The following TMEM74 variants were observed in gnomAD, a reference collection of about 807,000 sequenced individuals.
TMEM74 encodes the protein transmembrane protein 74.
TMEM74 carries 13 observed loss-of-function variants against 18.1 expected under a neutral mutation model. That is an observed-to-expected ratio of 0.72 (90% CI 0.47 to 1.14). The LOEUF (loss-of-function observed/expected upper bound fraction) is 1.14. TMEM74 is among the 50% of genes most tolerant of loss of function. TMEM74 has a pLI of 0.00. For synonymous variants in TMEM74, 159 were observed against 146.6 expected (o/e 1.08, Z -0.61); for missense variants, 372 against 375.9 (o/e 0.99, Z 0.09).
intron 1 of TMEM74, among the ~76,000 whole-genome samples, chr8:108,744,109 T>C (rs751737763): frequency 5.3e-5 from 8 of 152,180 alleles, no homozygotes; most frequent in Non-Finnish European, 1.2e-4. Context: ...ACTGTTATCC[T>C]ATATTCAGGG....
intron 1 of TMEM74, among the ~76,000 whole-genome samples, chr8:108,734,493 A>G (rs1034226405): frequency 2.6e-5 from 4 of 152,078 alleles, no homozygotes; most frequent in Admixed American, 6.5e-5. Context: ...CATTCATGTC[A>G]TTCTTTGACA....
At chr8:108,660,150 C>A (rs1347034121) in intron 1 of TMEM74, among the ~76,000 whole-genome samples, 1 of 152,150 alleles carries the variant, frequency 6.6e-6, no homozygotes, top group East Asian at 1.9e-4. Flanking sequence ...TACTTGTTTT[C>A]CAAAGCAGAA....
At chr8:108,638,602 T>C (rs1812630484) in intron 2 of TMEM74, among the ~76,000 whole-genome samples, 1 of 151,908 alleles carries the variant, frequency 6.6e-6, no homozygotes, top group African/African-American at 2.4e-5. Flanking sequence ...ATAAGTAGTC[T>C]TGAATTCAGA....
intron 1 of TMEM74, among the ~76,000 whole-genome samples, chr8:108,711,676 C>G (rs1813476827): frequency 6.6e-6 from 1 of 152,188 alleles, no homozygotes; most frequent in Admixed American, 6.5e-5. Flanking sequence ...GAGTCAAAAC[C>G]TCTAGGCATG....
intron 2 of TMEM74, among the ~76,000 whole-genome samples, chr8:108,619,598 C>T (rs1812419724): frequency 6.6e-6 from 1 of 152,194 alleles, no homozygotes; most frequent in African/African-American, 2.4e-5. Flanking sequence ...ACAAATAGTA[C>T]ATTTTTCATC....
intron 1 of TMEM74, among the ~76,000 whole-genome samples, chr8:108,753,793 A>G (rs1192128475): frequency 2.0e-5 from 3 of 151,950 alleles, no homozygotes; most frequent in Non-Finnish European, 4.4e-5. Flanking sequence ...GGAATTTTTT[A>G]TGTGTTTCAT....
At chr8:108,642,391 C>CA (rs34602005) in intron 2 of TMEM74, among the ~76,000 whole-genome samples, 2,714 of 63,092 alleles carry the variant, frequency 0.043, 54 homozygotes, top group African/African-American at 0.053. Context: ...GACTCCATCT[C>CA]AAAAAAAAAA....
chr8:108,615,281 G>A (rs1226689010), intron 2 of TMEM74, among the ~76,000 whole-genome samples: 1 of 152,186 alleles, frequency 6.6e-6, no homozygotes, highest in Non-Finnish European at 1.5e-5. Flanking sequence ...TCTCCTGGTA[G>A]CAAAGCCTTC....
intron 2 of TMEM74, among the ~76,000 whole-genome samples, chr8:108,631,692 C>T (rs940944689): frequency 2.6e-5 from 4 of 151,984 alleles, no homozygotes; most frequent in Admixed American, 1.3e-4. Context: ...TGAATAGTTT[C>T]TTTTGCTGTA....
At chr8:108,745,094 A>G (rs1813836516) in intron 1 of TMEM74, among the ~76,000 whole-genome samples, 2 of 152,206 alleles carry the variant, frequency 1.3e-5, no homozygotes, top group African/African-American at 4.8e-5. Flanking sequence ...ATCTGCATTT[A>G]GTTTTCTAGG....
intron 1 of TMEM74, among the ~76,000 whole-genome samples, chr8:108,682,896 T>C (rs1217110202): frequency 6.6e-6 from 1 of 151,874 alleles, no homozygotes; most frequent in Admixed American, 6.6e-5. Context: ...CTATAGCAGA[T>C]TTAATCAATA....
chr8:108,784,930 C>T lies in TMEM74; in HGVS notation c.169G>A (p.Gly57Arg), dbSNP rs752702103. ...ASTPRATEME[G>R]SKLSSSPASP... ...GCTGGAGAAGAACTAAGTTTAGACC[C>T]TTCCATCTCGGTTGCTCTTGGGGTG... Residue 57 changes from glycine (G) to arginine (R), a missense_variant, in exon 2 of 2, where the codon GGG (glycine) becomes AGG (arginine). Gly to Arg is a moderately radical substitution (Grantham distance 125). Coordinates refer to ENST00000297459, the MANE Select transcript of TMEM74 (RefSeq NM_153015.3). 3.1e-6 allele frequency: 5 copies of T among 1,614,144 alleles called. No individual in the cohort carries two copies. Among genetic ancestry groups the T allele is most frequent in the Non-Finnish European group, 4.2e-6 (5 of 1,180,010 alleles).
At chr8:108,748,853 T>C (rs1385062314) in intron 1 of TMEM74, among the ~76,000 whole-genome samples, 1 of 152,160 alleles carries the variant, frequency 6.6e-6, no homozygotes, top group East Asian at 1.9e-4. Flanking sequence ...AAATAGACAA[T>C]CCTTTCCCCA....
rs1395081100 is a variant in TMEM74, at chr8:108,783,132, G to A, written c.*1049C>T. Among the ~76,000 whole-genome samples, 2 of 152,062 alleles carry A rather than the reference G, an allele frequency of 1.3e-5. No individual in the cohort carries two copies. The highest frequency in any genetic ancestry group is 2.9e-5 in the Non-Finnish European group (2 of 68,014). On this transcript the variant is annotated 3_prime_UTR_variant, in exon 2 of 2. Transcript: ENST00000297459. ...ATTTTTTTTTGGCTTTGGGCTTAAGGACTGTTGCTACCATGAGGGAAGTGC... is the reference window on the plus strand; with the variant it reads ...ATTTTTTTTTGGCTTTGGGCTTAAGAACTGTTGCTACCATGAGGGAAGTGC...
intron 1 of TMEM74, among the ~76,000 whole-genome samples, chr8:108,710,084 CAG>C (rs1813459620): frequency 6.6e-6 from 1 of 152,180 alleles, no homozygotes; most frequent in African/African-American, 2.4e-5. Context: ...GATTACTTCC[CAG>C]AGTTACTGAG....
rs1814345147 is a variant in TMEM74 at position 108,784,205 on chromosome 8, T to C, written c.894A>G (p.Glu298=). The C allele has an allele frequency of 1.2e-6, 2 of 1,611,726 alleles. No homozygotes were observed. The highest frequency in any genetic ancestry group is 1.7e-6 in the Non-Finnish European group (2 of 1,178,312). ...ENTLELSLVE[E]DALAVQS ...ATTAACTCTGTACAGCAAGCGCATC[T>C]TCCTCTACCAAGGACAGTTCCAGAG... Residue 298 remains glutamate (E), a synonymous_variant, in exon 2 of 2, where the codon GAA becomes GAG. Coordinates refer to ENST00000297459, the MANE Select transcript of TMEM74 (RefSeq NM_153015.3).
At chr8:108,755,417 C>T (rs181580841) in intron 1 of TMEM74, among the ~76,000 whole-genome samples, 2 of 152,210 alleles carry the variant, frequency 1.3e-5, no homozygotes, top group East Asian at 3.9e-4. Context: ...ATTTGTCATA[C>T]AGCATAGAAA....
rs1814166348 is a variant in TMEM74 at position 108,771,109 on chromosome 8, C to T, written n.119+16367G>A. On this transcript the variant is annotated intron_variant and non_coding_transcript_variant, in intron 1 of 3. Transcript: ENST00000518838. ...GTCAAGATAATTAATTCATACTTTA[C>T]TATTTTCTCTAATTAGGCATTATTT... Among the ~76,000 whole-genome samples the T allele has an allele frequency of 2.0e-5, 3 of 152,254 alleles. No homozygotes were observed. In the South Asian group the frequency reaches 6.2e-4, roughly 32 times the overall value.
intron 1 of TMEM74, among the ~76,000 whole-genome samples, chr8:108,699,144 TTTTC>T (rs1813309711): frequency 2.8e-5 from 1 of 35,168 alleles, no homozygotes; most frequent in Admixed American, 4.0e-4. Flanking sequence ...CCCCTCCCTC[TTTTC>T]CTTCCTTCCT....
Sources: gnomAD v4.1 joint callset for allele counts (sites outside exome capture counted in the v4.1 genomes callset) on GRCh38, gnomAD v4.1.1 for gene constraint, MANE v1.5 for transcripts, NCBI Gene and HGNC (gene_info 2026-07-23, HGNC 2026-07-21) for gene names.